The following ADAMTS12 variants were observed in gnomAD, a reference collection of about 807,000 sequenced individuals.
ADAMTS12 encodes A disintegrin and metalloproteinase with thrombospondin motifs 12.
ADAMTS12 carries 118 observed loss-of-function variants against 167.8 expected under a neutral mutation model. That is an observed-to-expected ratio of 0.70 (90% CI 0.61 to 0.82). The LOEUF is 0.82. ADAMTS12 is among the 40% of genes least tolerant of loss of function. The pLI, the probability that ADAMTS12 is intolerant of heterozygous loss-of-function variation, is 0.00. For missense variants in ADAMTS12, 1,916 were observed against 1,998.8 expected (o/e 0.96, Z 0.79); for synonymous variants, 704 against 716.9 (o/e 0.98, Z 0.29).
At chr5:33,581,877 T>C (rs1747081791) in intron 18 of ADAMTS12, among the ~76,000 whole-genome samples, 1 of 152,092 alleles carries the variant, frequency 6.6e-6, no homozygotes, top group South Asian at 2.1e-4. Flanking sequence ...GCAGGTAGAA[T>C]GTCATGTGAA....
intron 1 of ADAMTS12, among the ~76,000 whole-genome samples, chr5:33,889,760 T>C (rs1419129958): frequency 6.6e-6 from 1 of 152,158 alleles, no homozygotes; most frequent in Non-Finnish European, 1.5e-5. Flanking sequence ...GGAGACAGCC[T>C]GGCCAACATG....
chr5:33,862,967 A>G (rs1749678373), intron 2 of ADAMTS12, among the ~76,000 whole-genome samples: 1 of 152,218 alleles, frequency 6.6e-6, no homozygotes, highest in South Asian at 2.1e-4. Context: ...ATAGATACAG[A>G]AAAGGCCTTC....
Position 33,721,393 on chromosome 5 carries a change from G to A in ADAMTS12, c.634+30011C>T, listed in dbSNP as rs114046234. ...AAGTACACATGAGAAAACCCCCTCC[G>A]AATCCAGTCAAACAATTGGAATAGG... On this transcript the variant is annotated intron_variant, in intron 3 of 23. Coordinates refer to ENST00000504830, the MANE Select transcript of ADAMTS12 (RefSeq NM_030955.4). Among the ~76,000 whole-genome samples, 338 of 152,212 alleles carry A rather than the reference G, an allele frequency of 2.2e-3. 2 individuals carry two copies. Among genetic ancestry groups the A allele is most frequent in the African/African-American group, 7.6e-3 (315 of 41,532 alleles).
chr5:33,739,380 A>AT (rs1233568285), intron 3 of ADAMTS12, among the ~76,000 whole-genome samples: 5 of 152,326 alleles, frequency 3.3e-5, no homozygotes, highest in South Asian at 2.1e-4. Context: ...TGAACTTAGA[A>AT]TAACAGCCCT....
chr5:33,855,762 T>C (rs1024729091), intron 2 of ADAMTS12, among the ~76,000 whole-genome samples: 1 of 152,178 alleles, frequency 6.6e-6, no homozygotes, highest in Admixed American at 6.6e-5. Flanking sequence ...CTTGCTCTAT[T>C]GCCCGGGCTA....
chr5:33,699,883 A>G (rs144282700), intron 3 of ADAMTS12, among the ~76,000 whole-genome samples: 1 of 152,346 alleles, frequency 6.6e-6, no homozygotes, highest in East Asian at 1.9e-4. Context: ...TACAAAAACA[A>G]GCAAACTACA....
At chr5:33,741,332 G>T (rs984213757) in intron 3 of ADAMTS12, among the ~76,000 whole-genome samples, 1 of 152,136 alleles carries the variant, frequency 6.6e-6, no homozygotes, top group African/African-American at 2.4e-5. Context: ...CTCTCTCCTT[G>T]GCTTGCAGAT....
At chr5:33,879,854 T>G (rs1267361687) in intron 2 of ADAMTS12, among the ~76,000 whole-genome samples, 1 of 152,180 alleles carries the variant, frequency 6.6e-6, no homozygotes, top group East Asian at 1.9e-4. Flanking sequence ...GTACAGAAAT[T>G]CTTAGCAAAA....
intron 2 of ADAMTS12, among the ~76,000 whole-genome samples, chr5:33,839,412 G>C (rs1282227944): frequency 1.3e-5 from 2 of 152,202 alleles, no homozygotes; most frequent in African/African-American, 4.8e-5. Context: ...GCTGTTGTCA[G>C]TCATTTTATT....
intron 2 of ADAMTS12, among the ~76,000 whole-genome samples, chr5:33,801,664 C>T (rs1255243306): frequency 6.6e-6 from 1 of 152,174 alleles, no homozygotes; most frequent in Non-Finnish European, 1.5e-5. Context: ...TAAGCACTTA[C>T]AGTGTAGCAG....
chr5:33,579,202 A>G (rs1289289210), intron 18 of ADAMTS12, among the ~76,000 whole-genome samples: 1 of 152,204 alleles, frequency 6.6e-6, no homozygotes, highest in Admixed American at 6.5e-5. Flanking sequence ...GTCCCTCTCC[A>G]TTTATTACAT....
intron 3 of ADAMTS12, 72 bp downstream of exon 3, chr5:33,751,332 T>C (rs570133201): frequency 1.3e-6 from 2 of 1,593,096 alleles, no homozygotes; most frequent in East Asian, 4.5e-5. Flanking sequence ...TAAGAATAGG[T>C]CATGTTTTAA....
chr5:33,689,901 G>A (rs1311830981), intron 3 of ADAMTS12, among the ~76,000 whole-genome samples: 1 of 152,206 alleles, frequency 6.6e-6, no homozygotes, highest in African/African-American at 2.4e-5. Flanking sequence ...AAAGTTGCTG[G>A]GGTCATGGGG....
At chr5:33,700,122 T>C (rs1742948031) in intron 3 of ADAMTS12, among the ~76,000 whole-genome samples, 1 of 152,250 alleles carries the variant, frequency 6.6e-6, no homozygotes, top group Non-Finnish European at 1.5e-5. Flanking sequence ...CTACCCACTC[T>C]GTTTTAACAA....
chr5:33,801,434 A>G (rs1402239597), intron 2 of ADAMTS12, among the ~76,000 whole-genome samples: 2 of 152,222 alleles, frequency 1.3e-5, no homozygotes, highest in African/African-American at 4.8e-5. Context: ...ATGTCACTTC[A>G]TGGCATGACA....
chr5:33,643,249 G>C, intron 10 of ADAMTS12, 129 bp downstream of exon 10: 1 of 853,106 alleles, frequency 1.2e-6, no homozygotes, highest in Non-Finnish European at 1.9e-6. Context: ...CCTCTGGCTG[G>C]TCTGACTGTT....
rs766326187 is a variant in ADAMTS12 at position 33,751,423 on chromosome 5, CT to C, written c.614del (p.Glu205GlyfsTer6). 6.2e-7 allele frequency: 1 copy of C among 1,614,166 alleles called. No individual in the cohort carries two copies. The highest frequency in any genetic ancestry group is 1.1e-5 in the South Asian group (1 of 91,078). Reference protein sequence around the residue: ...YRRQKVPETKEPTCGLKDSVN... With the variant: ...YRRQKVPETKXPTCGLKDSVN... Reference sequence around the variant, plus strand: ...CAATACCCTTTAATCCACAGGTTGGCTCCTTGGTTTCTGGAACTTTCTGCCT... The same window carrying C: ...CAATACCCTTTAATCCACAGGTTGGCCCTTGGTTTCTGGAACTTTCTGCCT... On this transcript the variant is annotated frameshift_variant, in exon 3 of 24. Transcript: ENST00000504830. LOFTEE classifies it high-confidence loss of function.
At chr5:33,858,515 A>G (rs1381712375) in intron 2 of ADAMTS12, among the ~76,000 whole-genome samples, 4 of 152,114 alleles carry the variant, frequency 2.6e-5, no homozygotes, top group African/African-American at 9.7e-5. Flanking sequence ...AAAATTAGCC[A>G]GGTGTGGTGT....
intron 2 of ADAMTS12, among the ~76,000 whole-genome samples, chr5:33,784,519 T>TA (rs937011550): frequency 7.3e-5 from 11 of 149,966 alleles, no homozygotes; most frequent in Middle Eastern, 3.4e-3. Flanking sequence ...CAGGTCAGTA[T>TA]AAAAAAAATA....
Sources: gnomAD v4.1 joint callset for allele counts (sites outside exome capture counted in the v4.1 genomes callset) on GRCh38, gnomAD v4.1.1 for gene constraint, MANE v1.5 for transcripts, NCBI Gene and HGNC (gene_info 2026-07-23, HGNC 2026-07-21) for gene names.